NFIC: variants seen among roughly 807,000 people sequenced by gnomAD.
NFIC encodes the protein nuclear factor I C.
NFIC carries 12 observed loss-of-function variants against 54.4 expected under a neutral mutation model. The observed-to-expected ratio is 0.22, with a 90% confidence interval of 0.14 to 0.36. NFIC has a LOEUF of 0.36. Among genes scored for constraint, NFIC ranks in the 10% least tolerant of loss-of-function variants. The pLI, the probability that NFIC is intolerant of heterozygous loss-of-function variation, is 1.00. For missense variants in NFIC, 575 were observed against 718.2 expected, an observed-to-expected ratio of 0.80 and a Z score of 2.28; for synonymous variants, 322 against 319.2, an observed-to-expected ratio of 1.01 and a Z score of -0.09.
In NFIC at chr19:3,425,101, T is replaced by A. The variant is rs2082007004; in HGVS notation, c.563-5T>A. Reference sequence around the variant, plus strand: ...GCCACCAGTGTTTCTTCCCTCTCTTTGCAGATGCAGAGCAAAGCGGCAGTC... The same window carrying A: ...GCCACCAGTGTTTCTTCCCTCTCTTAGCAGATGCAGAGCAAAGCGGCAGTC... On this transcript the variant is annotated splice_region_variant and splice_polypyrimidine_tract_variant and intron_variant, in intron 2 of 10. Transcript: ENST00000443272. The A allele has an allele frequency of 2.5e-6, 4 of 1,613,230 alleles. No individual in the cohort carries two copies. Among genetic ancestry groups the A allele is most frequent in the Non-Finnish European group, 3.4e-6 (4 of 1,179,928 alleles).
intron 2 of NFIC, among the ~76,000 whole-genome samples, chr19:3,384,709 A>T (rs2081265840): frequency 6.6e-6 from 1 of 152,162 alleles, no homozygotes; most frequent in South Asian, 2.1e-4. Context: ...CTTGATCTTG[A>T]TTCTTTGACC....
At chr19:3,364,878 A>G (rs1197805315), upstream of NFIC, among the ~76,000 whole-genome samples, 2 of 152,184 alleles carry the variant, frequency 1.3e-5, no homozygotes, top group African/African-American at 4.8e-5. Context: ...GTGTTTTAAT[A>G]AAATAAATTG....
intron 9 of NFIC, among the ~76,000 whole-genome samples, chr19:3,455,849 AC>A (rs1021474268): frequency 6.6e-6 from 1 of 152,018 alleles, no homozygotes; most frequent in East Asian, 1.9e-4. Flanking sequence ...CATGGATTCC[AC>A]CCCCCTTTCC....
rs199528650 is a variant in NFIC, at chr19:3,453,827, C to T, written c.1334C>T (p.Pro445Leu). The T allele has an allele frequency of 2.4e-4, 389 of 1,596,442 alleles. No homozygotes were observed. Among genetic ancestry groups the T allele is most frequent in the Non-Finnish European group, 2.4e-4 (282 of 1,172,442 alleles). The change falls in exon 9 of 11, where the codon CCG becomes CTG. Residue 445 changes from proline to leucine, a missense_variant. Pro to Leu is a moderately conservative substitution (Grantham distance 98). Around this residue, in one of 3 missense-constraint regions of NFIC, gnomAD observed 447 missense variants for 526.9 expected, o/e 0.85. Coordinates refer to ENST00000443272, the MANE Select transcript of NFIC (RefSeq NM_001245002.2). This position sits in a 1 kb window ranked among gnomAD's most constrained non-coding sequence, Gnocchi z 6.7. ...HCLSAQMLAP[P>L]PPGLPRLALP... ...CTTTCTGCTCAGATGCTGGCACCTC[C>T]GCCCCCGGGGCTGCCACGGCTGGCG...
chr19:3,451,631 T>A (rs1412126222), intron 7 of NFIC, among the ~76,000 whole-genome samples: 4 of 132,420 alleles, frequency 3.0e-5, no homozygotes, highest in African/African-American at 1.5e-4. Flanking sequence ...ATTCTATCTC[T>A]TAAAAAAAAA....
Position 3,464,458 on chromosome 19 carries a change from G to C in NFIC, c.*1689G>C, listed in dbSNP as rs895168361. The C allele has an allele frequency of 2.2e-4, 220 of 977,886 alleles. No individual in the cohort carries two copies. Among genetic ancestry groups the C allele is most frequent in the Non-Finnish European group, 2.5e-4 (211 of 828,594 alleles). The allele number at this position is 977,886 out of a possible 1,614,324, so 60.6% of individuals were successfully genotyped here. A position where few individuals can be genotyped will look rare whatever the true frequency, so the allele number is the denominator to read the frequency against. On this transcript the variant is annotated 3_prime_UTR_variant, in exon 11 of 11. Transcript: ENST00000443272. Reference sequence around the variant, plus strand: ...CCCCACCCCAGGATCGCCATCTTTAGGGGAGGCCTGGGAGGGGGTGTTAGG... The same window carrying C: ...CCCCACCCCAGGATCGCCATCTTTACGGGAGGCCTGGGAGGGGGTGTTAGG...
chr19:3,360,519 G>A (rs751236428), intron 1 of NFIC, among the ~76,000 whole-genome samples: 1 of 152,032 alleles, frequency 6.6e-6, no homozygotes, highest in Non-Finnish European at 1.5e-5. Context: ...GCTCCGTAAC[G>A]GGCCGGCATT....
intron 6 of NFIC, among the ~76,000 whole-genome samples, chr19:3,440,431 C>CTT (rs774059880): frequency 4.2e-5 from 6 of 143,460 alleles, no homozygotes; most frequent in African/African-American, 1.3e-4. Context: ...CTGGGCCACT[C>CTT]TTTTTTTTTT....
intron 1 of NFIC, among the ~76,000 whole-genome samples, chr19:3,372,341 G>A (rs1413790502): frequency 1.3e-5 from 2 of 152,008 alleles, no homozygotes; most frequent in Admixed American, 6.6e-5. Context: ...TTTTCTCCCT[G>A]CCCAGCCCTG....
intron 10 of NFIC, among the ~76,000 whole-genome samples, chr19:3,457,660 G>A (rs534544679): frequency 2.0e-5 from 3 of 152,302 alleles, no homozygotes; most frequent in Non-Finnish European, 2.9e-5. Flanking sequence ...ACTGCAGAGC[G>A]TGGAGATGTA....
rs906299307 is a variant in NFIC at position 3,375,689 on chromosome 19, G to A, written c.31-6023G>A. On this transcript the variant is annotated intron_variant, in intron 1 of 10. Transcript: ENST00000443272. The surrounding 1 kb of genome is among the most constrained non-coding windows in gnomAD (Gnocchi z 4.6). ...TACAAGCTGACTCTGGTCTCACTGG[G>A]TGGGGAGGCTATTTTCAGAGCCTCA... Among the ~76,000 whole-genome samples the A allele has an allele frequency of 3.9e-5, 6 of 152,220 alleles. No individual in the cohort carries two copies. Among genetic ancestry groups the A allele is most frequent in the Non-Finnish European group, 2.9e-5 (2 of 68,030 alleles).
At chr19:3,377,090 A>C (rs373703931) in intron 1 of NFIC, among the ~76,000 whole-genome samples, 1 of 150,924 alleles carries the variant, frequency 6.6e-6, no homozygotes, top group Admixed American at 6.6e-5. Context: ...GCACTTTGGG[A>C]GGCCGAGGCA....
chr19:3,394,424 G>A lies in NFIC; in HGVS notation c.562+12181G>A, dbSNP rs182776810. ...GAGCCCAGGAATGTGGGGCTCCAGC[G>A]AGCTGTGATTGTGTCACTGCATTCC... On this transcript the variant is annotated intron_variant, in intron 2 of 10. Coordinates refer to ENST00000443272, the MANE Select transcript of NFIC (RefSeq NM_001245002.2). 3.6e-3 allele frequency among the ~76,000 whole-genome samples: 543 copies of A among 151,442 alleles called. 5 individuals are homozygous for A. The highest frequency in any genetic ancestry group is 0.013 in the African/African-American group (516 of 41,136).
chr19:3,385,573 G>GTT (rs569020735), intron 2 of NFIC, among the ~76,000 whole-genome samples: 4,636 of 109,202 alleles, frequency 0.042, 138 homozygotes, highest in South Asian at 0.095. Flanking sequence ...GGTTGTTGTT[G>GTT]TTTTTTTTTT....
upstream of NFIC, among the ~76,000 whole-genome samples, chr19:3,363,233 A>ATGTGTGTGCGTGTG (rs1568391661): frequency 8.5e-6 from 1 of 118,318 alleles, no homozygotes; most frequent in Non-Finnish European, 1.7e-5. Flanking sequence ...ATGTATGTGT[A>ATGTGTGTGCGTGTG]TGTGTGTGTA....
intron 10 of NFIC, among the ~76,000 whole-genome samples, chr19:3,461,371 T>G (rs2082636460): frequency 6.6e-6 from 1 of 150,910 alleles, no homozygotes; most frequent in Non-Finnish European, 1.5e-5. Flanking sequence ...TGCAGTGAGC[T>G]ATGATGGCAC....
intron 5 of NFIC, 29 bp from the exon 6 acceptor site, chr19:3,435,054 C>G: frequency 1.3e-6 from 2 of 1,552,658 alleles, no homozygotes; most frequent in Non-Finnish European, 1.8e-6. Context: ...TCCCTGGTAA[C>G]CAGCCTCTCC....
intron 3 of NFIC, among the ~76,000 whole-genome samples, chr19:3,432,325 C>T (rs187398006): frequency 2.6e-3 from 389 of 152,256 alleles, no homozygotes; most frequent in African/African-American, 8.9e-3. Context: ...CATTCAACCC[C>T]CCATTTTAAC....
At chr19:3,408,853 G>A (rs933022660) in intron 2 of NFIC, among the ~76,000 whole-genome samples, 2 of 151,946 alleles carry the variant, frequency 1.3e-5, no homozygotes, top group Admixed American at 6.6e-5. Context: ...CAAAGTGCTG[G>A]GATTATAGGC....
Sources: allele counts gnomAD v4.1 joint callset (sites outside exome capture counted in the v4.1 genomes callset), GRCh38; gene constraint gnomAD v4.1.1; regional missense constraint gnomAD v4.1.1; non-coding constraint Gnocchi (gnomAD v3.1); transcripts MANE v1.5; gene names NCBI Gene and HGNC (gene_info 2026-07-23, HGNC 2026-07-21).